SLC38A12: variants seen among roughly 807,000 people sequenced by gnomAD.
The protein encoded by SLC38A12 is solute carrier family 38 member 12, also known as putative sodium-coupled neutral amino acid transporter 12.
At chr17:74,833,942 T>G in the SLC38A12 span, among the ~76,000 whole-genome samples, 1 of 152,062 alleles carries the variant, frequency 6.6e-6, no homozygotes, top group African/African-American at 2.4e-5. Flanking sequence ...CCGGGCCCAG[T>G]CTGGCCTCTG....
the SLC38A12 span, among the ~76,000 whole-genome samples, chr17:74,829,872 G>T: frequency 6.6e-6 from 1 of 151,978 alleles, no homozygotes; most frequent in Admixed American, 6.5e-5. The surrounding 1 kb of genome is among the most constrained non-coding windows in gnomAD (Gnocchi z 4.1). Flanking sequence ...TAAGGAAGGC[G>T]GAGTCCTGCC....
chr17:74,813,088 C>T, the SLC38A12 span, among the ~76,000 whole-genome samples: 37 of 152,330 alleles, frequency 2.4e-4, no homozygotes, highest in African/African-American at 8.2e-4. Flanking sequence ...TGGGAGCCAG[C>T]GGGTCACAGT....
the SLC38A12 span, among the ~76,000 whole-genome samples, chr17:74,808,396 G>A: frequency 6.6e-6 from 1 of 152,258 alleles, no homozygotes; most frequent in East Asian, 1.9e-4. Flanking sequence ...TGGGACAAAT[G>A]AATCCCTCTC....
the SLC38A12 span, chr17:74,836,181 T>G: frequency 6.2e-7 from 1 of 1,613,008 alleles, no homozygotes; most frequent in South Asian, 1.1e-5. This position sits in a 1 kb window ranked among gnomAD's most constrained non-coding sequence, Gnocchi z 4.2. Flanking sequence ...CATCTTCTGC[T>G]TCCGCGGCGA....
At chr17:74,803,162 T>C in the SLC38A12 span, among the ~76,000 whole-genome samples, 2 of 152,226 alleles carry the variant, frequency 1.3e-5, no homozygotes, top group Non-Finnish European at 2.9e-5. Flanking sequence ...TCAGTTTCCC[T>C]AGTGTATTTA....
the SLC38A12 span, chr17:74,837,435 C>T: frequency 4.1e-6 from 4 of 985,422 alleles, no homozygotes; most frequent in African/African-American, 1.7e-5. Context: ...TGAAAGGGAC[C>T]GTCTGCTGCC....
chr17:74,810,516 G>A, the SLC38A12 span, among the ~76,000 whole-genome samples: 9 of 152,302 alleles, frequency 5.9e-5, 1 homozygote, highest in South Asian at 6.2e-4. Context: ...GCCAGCCTCC[G>A]CCTGTCCTCA....
the SLC38A12 span, among the ~76,000 whole-genome samples, chr17:74,817,938 A>T: frequency 1.3e-5 from 2 of 152,190 alleles, no homozygotes. Context: ...CGGGCACACC[A>T]GGAGTCCAGT....
At chr17:74,803,520 C>A in the SLC38A12 span, among the ~76,000 whole-genome samples, 3 of 152,218 alleles carry the variant, frequency 2.0e-5, no homozygotes, top group Non-Finnish European at 4.4e-5. Flanking sequence ...CTGCTGGGGA[C>A]CTTCTGCGCT....
the SLC38A12 span, among the ~76,000 whole-genome samples, chr17:74,799,539 G>C: frequency 6.6e-6 from 1 of 152,324 alleles, no homozygotes; most frequent in African/African-American, 2.4e-5. Flanking sequence ...TTGTGACAGA[G>C]AGAGTCTTCC....
the SLC38A12 span, among the ~76,000 whole-genome samples, chr17:74,806,006 A>G: frequency 6.6e-6 from 1 of 152,204 alleles, no homozygotes; most frequent in Admixed American, 6.5e-5. Flanking sequence ...AAGCGGCCTC[A>G]TGGGTTCCGA....
the SLC38A12 span, chr17:74,785,450 C>A: frequency 6.2e-7 from 1 of 1,600,930 alleles, no homozygotes; most frequent in South Asian, 1.1e-5. Context: ...TGATTAAGTT[C>A]CGGGCTTGAA....
At chr17:74,809,900 C>A in the SLC38A12 span, among the ~76,000 whole-genome samples, 1 of 152,220 alleles carries the variant, frequency 6.6e-6, no homozygotes, top group Non-Finnish European at 1.5e-5. Context: ...TGTACCTGTA[C>A]CGAGAATGTG....
At chr17:74,801,086 C>T in the SLC38A12 span, among the ~76,000 whole-genome samples, 736 of 152,258 alleles carry the variant, frequency 4.8e-3, 4 homozygotes, top group African/African-American at 0.017. Flanking sequence ...CTTCCAGGGT[C>T]GGGGACATCC....
At chr17:74,816,969 A>G in the SLC38A12 span, among the ~76,000 whole-genome samples, 210 of 151,374 alleles carry the variant, frequency 1.4e-3, 1 homozygote, top group Middle Eastern at 3.4e-3. Context: ...AGAGATGGAC[A>G]CTGCCCCTGC....
At chr17:74,814,299 C>T in the SLC38A12 span, among the ~76,000 whole-genome samples, 7 of 151,556 alleles carry the variant, frequency 4.6e-5, no homozygotes, top group Admixed American at 2.6e-4. Flanking sequence ...GCACCCCAGG[C>T]CCCCTTCCTG....
At chr17:74,820,530 C>T in the SLC38A12 span, among the ~76,000 whole-genome samples, 2 of 152,356 alleles carry the variant, frequency 1.3e-5, no homozygotes, top group African/African-American at 2.4e-5. Context: ...TCCACCTGGA[C>T]GGAGGACAGG....
At chr17:74,805,208 C>T in the SLC38A12 span, among the ~76,000 whole-genome samples, 1 of 152,234 alleles carries the variant, frequency 6.6e-6, no homozygotes, top group Admixed American at 6.5e-5. This position sits in a 1 kb window ranked among gnomAD's most constrained non-coding sequence, Gnocchi z 5.0. Flanking sequence ...CCCACAGCAC[C>T]ATGGTGGAGG....
the SLC38A12 span, among the ~76,000 whole-genome samples, chr17:74,827,441 A>G: frequency 1.3e-5 from 2 of 152,038 alleles, no homozygotes; most frequent in Non-Finnish European, 2.9e-5. This position sits in a 1 kb window ranked among gnomAD's most constrained non-coding sequence, Gnocchi z 4.7. Context: ...GATTACAAGC[A>G]TGGGCCACCA....
Sources: gnomAD v4.1 joint callset for allele counts (sites outside exome capture counted in the v4.1 genomes callset) on GRCh38, gnomAD v4.1.1 for gene constraint, Gnocchi (gnomAD v3.1) non-coding constraint, MANE v1.5 for transcripts, NCBI Gene and HGNC (gene_info 2026-07-23, HGNC 2026-07-21) for gene names.